The following SLC31A2 variants were observed in gnomAD, a reference collection of about 807,000 sequenced individuals.
The protein encoded by SLC31A2 is protein SLC31A2.
A neutral mutation model predicts 14.4 loss-of-function variants in SLC31A2; 16 were observed. That is an observed-to-expected ratio of 1.11 (90% CI 0.75 to 1.69). The LOEUF (loss-of-function observed/expected upper bound fraction) is 1.69. Ranked by LOEUF, SLC31A2 falls within the 40% of genes most tolerant of loss-of-function variation. The pLI is 0.00. For synonymous variants in SLC31A2, 56 were observed against 68.7 expected (o/e 0.82, Z 0.91); for missense variants, 140 against 173.9 (o/e 0.81, Z 1.10).
At chr9:113,161,169 T>C (rs1172517374) in intron 2 of SLC31A2, 1 of 224,290 alleles carries the variant, frequency 4.5e-6, no homozygotes, top group Non-Finnish European at 8.6e-6. Flanking sequence ...AGACATTTTT[T>C]GCATACTTAC....
rs1216176704 is a variant in SLC31A2 at position 113,151,226 on chromosome 9, G to A, written c.6+146G>A. 8.2e-6 allele frequency: 7 copies of A among 852,082 alleles called. No individual in the cohort carries two copies. The highest frequency in any genetic ancestry group is 1.1e-5 in the Non-Finnish European group (7 of 627,688). The allele number at this position is 852,082 out of a possible 1,614,324, so 52.8% of individuals were successfully genotyped here. ...CAGCATTGCCAACAGCTGGAACAGG[G>A]TTGGGGGACGCGGCAGGTATAGGTT... On this transcript the variant is annotated intron_variant, in intron 1 of 3. Transcript: ENST00000259392. The surrounding 1 kb of genome is among the most constrained non-coding windows in gnomAD (Gnocchi z 4.2).
rs1252108930 is a variant in SLC31A2, at chr9:113,161,700, T to C, written c.263+2T>C. The C allele has an allele frequency of 5.0e-6, 8 of 1,613,692 alleles. No individual in the cohort carries two copies. Among genetic ancestry groups the C allele is most frequent in the Non-Finnish European group, 6.8e-6 (8 of 1,179,786 alleles). On this transcript the variant is annotated splice_donor_variant, in intron 3 of 3. Coordinates refer to ENST00000259392, the MANE Select transcript of SLC31A2 (RefSeq NM_001860.3). LOFTEE classifies it high-confidence loss of function. Reference sequence around the variant, plus strand: ...CCCTGTTGGCAGAACCCACCACAGGTACAGGCAGTGGGTATGGGAAAGGGG... The same window carrying C: ...CCCTGTTGGCAGAACCCACCACAGGCACAGGCAGTGGGTATGGGAAAGGGG...
At chr9:113,155,920 C>G in intron 1 of SLC31A2, 1 of 392,028 alleles carries the variant, frequency 2.6e-6, no homozygotes, top group Non-Finnish European at 5.2e-6. Flanking sequence ...TGTTCCAAAT[C>G]CTGGACTCAG....
chr9:113,159,946 G>A (rs992707985), intron 2 of SLC31A2, among the ~76,000 whole-genome samples: 6 of 152,152 alleles, frequency 3.9e-5, no homozygotes, highest in Non-Finnish European at 5.9e-5. Flanking sequence ...AGGCCGAGGC[G>A]AGTGGATCAC....
At chr9:113,158,664 G>A (rs1019265293) in intron 2 of SLC31A2, among the ~76,000 whole-genome samples, 2 of 152,184 alleles carry the variant, frequency 1.3e-5, no homozygotes, top group African/African-American at 4.8e-5. Context: ...CTATGGCCTG[G>A]GCTTCCTCGT....
At chr9:113,157,170 C>A (rs150499684) in intron 1 of SLC31A2, among the ~76,000 whole-genome samples, 1 of 152,340 alleles carries the variant, frequency 6.6e-6, no homozygotes, top group Non-Finnish European at 1.5e-5. Flanking sequence ...AGACATTAAC[C>A]TACTTCCATA....
At chr9:113,162,492 C>T (rs1184696905) in intron 3 of SLC31A2, 1 of 354,206 alleles carries the variant, frequency 2.8e-6, no homozygotes, top group African/African-American at 2.2e-5. Context: ...TAGATACCCT[C>T]ATTTTCCCCT....
chr9:113,156,715 C>CTGAT (rs1242146930), intron 1 of SLC31A2, among the ~76,000 whole-genome samples: 3 of 152,310 alleles, frequency 2.0e-5, no homozygotes, highest in Admixed American at 6.5e-5. Context: ...GGTGAACTAA[C>CTGAT]TGATAGATCT....
At chr9:113,155,341 T>C (rs1829920527) in intron 1 of SLC31A2, among the ~76,000 whole-genome samples, 1 of 152,244 alleles carries the variant, frequency 6.6e-6, no homozygotes, top group African/African-American at 2.4e-5. Flanking sequence ...AAATTCTAGC[T>C]AGCAACTTGG....
intron 2 of SLC31A2, among the ~76,000 whole-genome samples, chr9:113,159,671 C>G (rs968866972): frequency 6.6e-6 from 1 of 152,160 alleles, no homozygotes; most frequent in Non-Finnish European, 1.5e-5. Flanking sequence ...CAACTCAGTT[C>G]AAATCTGACA....
At chr9:113,154,085 C>A (rs1173776526) in intron 1 of SLC31A2, among the ~76,000 whole-genome samples, 2 of 152,218 alleles carry the variant, frequency 1.3e-5, no homozygotes, top group African/African-American at 4.8e-5. Flanking sequence ...GATCCTCCCA[C>A]CTCAGCACCT....
chr9:113,157,995 T>TC (rs1829956206), intron 2 of SLC31A2: 1 of 666,384 alleles, frequency 1.5e-6, no homozygotes, highest in African/African-American at 1.8e-5. Context: ...ATCTTACTGA[T>TC]CCTCACAAAG....
chr9:113,157,653 G>A, intron 1 of SLC31A2, 74 bp from the exon 2 acceptor site: 1 of 1,230,312 alleles, frequency 8.1e-7, no homozygotes, highest in Non-Finnish European at 1.2e-6. Context: ...TCCCAGAGGA[G>A]GTGCTGGAGA....
rs1829871238 is a variant in SLC31A2 at position 113,151,879 on chromosome 9, G to C, written c.6+799G>C. ...AGGCAGGATGAGGAGGATTGCTTGA[G>C]CCCAGAAGTTCCAGGCTGCAGTGAG... On this transcript the variant is annotated intron_variant, in intron 1 of 3. Transcript: ENST00000259392. The surrounding 1 kb of genome is among the most constrained non-coding windows in gnomAD (Gnocchi z 4.2). 1 of 152,024 alleles carries C rather than the reference G, an allele frequency of 6.6e-6. No homozygotes were observed. The highest frequency in any genetic ancestry group is 1.5e-5 in the Non-Finnish European group (1 of 68,034). 9.4% of individuals were successfully genotyped at this position (152,024 alleles called of 1,614,324 possible). A position where few individuals can be genotyped will look rare whatever the true frequency, so the allele number is the denominator to read the frequency against.
chr9:113,162,014 C>T, intron 3 of SLC31A2: 2 of 439,824 alleles, frequency 4.5e-6, no homozygotes, highest in South Asian at 4.1e-5. Context: ...TCACCAGTTC[C>T]ATGGGTCACT....
chr9:113,161,779 C>G, intron 3 of SLC31A2, 81 bp downstream of exon 3: 1 of 1,480,696 alleles, frequency 6.8e-7, no homozygotes, highest in Non-Finnish European at 9.4e-7. Context: ...GCATTAGCCC[C>G]ACTTCACAGA....
chr9:113,153,119 GTT>G (rs10700218), intron 1 of SLC31A2, among the ~76,000 whole-genome samples: 1 of 142,760 alleles, frequency 7.0e-6, no homozygotes, highest in African/African-American at 2.6e-5. Flanking sequence ...GTGTCAAAAT[GTT>G]TTTTTTTTTT....
chr9:113,151,057 C>T lies in SLC31A2; in HGVS notation c.-18C>T. 1 of 1,306,588 alleles carries T rather than the reference C, an allele frequency of 7.7e-7. No homozygotes were observed. 80.9% of individuals were successfully genotyped at this position (1,306,588 alleles called of 1,614,324 possible). On this transcript the variant is annotated 5_prime_UTR_variant, in exon 1 of 4. Coordinates refer to ENST00000259392, the MANE Select transcript of SLC31A2 (RefSeq NM_001860.3). The surrounding 1 kb of genome is among the most constrained non-coding windows in gnomAD (Gnocchi z 4.2). ...GAGCGAGCAGACGCGGCCCTGGCGC[C>T]CGCCCTGCGCACTCACCATGGCGGT...
rs768946820 is a variant in SLC31A2, at chr9:113,161,523, G to A, written c.88G>A (p.Val30Met). 3.7e-6 allele frequency: 6 copies of A among 1,613,896 alleles called. No individual in the cohort carries two copies. The highest frequency in any genetic ancestry group is 1.7e-6 in the Non-Finnish European group (2 of 1,179,890). ...TCCTTTGACAGGCATGGCCCTTTCG[G>A]TGTTGGTGCTCCTGCTTCTGGCTGT... The part of the protein sequence containing the change: ...VHSPAGMALS[V>M]LVLLLLAVLY... Residue 30 changes from valine to methionine, a missense_variant, in exon 3 of 4, where the codon GTG becomes ATG. Transcript: ENST00000259392.
Sources: allele counts gnomAD v4.1 joint callset (sites outside exome capture counted in the v4.1 genomes callset), GRCh38; gene constraint gnomAD v4.1.1; non-coding constraint Gnocchi (gnomAD v3.1); transcripts MANE v1.5; gene names NCBI Gene and HGNC (gene_info 2026-07-23, HGNC 2026-07-21).